CTNNA3: variants seen among roughly 807,000 people sequenced by gnomAD.
The protein encoded by CTNNA3 is catenin alpha 3.
Under a neutral mutation model 95.7 loss-of-function variants are expected in CTNNA3, and 76 were observed. The ratio of observed to expected loss-of-function variants is 0.79; its 90% CI spans 0.66 to 0.96. CTNNA3 has a LOEUF of 0.96. CTNNA3 is among the 40% of genes least tolerant of loss of function. The probability of loss-of-function intolerance (pLI) is 0.00; values close to 1 mark genes in which losing one functional copy is unlikely to be tolerated. For synonymous variants in CTNNA3, 431 were observed against 374.4 expected, an observed-to-expected ratio of 1.15 and a Z score of -1.74; for missense variants, 1,191 against 1,089.8, an observed-to-expected ratio of 1.09 and a Z score of -1.31.
intron 6 of CTNNA3, among the ~76,000 whole-genome samples, chr10:67,201,069 A>G (rs1328529277): frequency 1.3e-5 from 2 of 152,056 alleles, no homozygotes; most frequent in East Asian, 3.9e-4. Context: ...CCTACTCTGC[A>G]TTGGGCCTCC....
intron 15 of CTNNA3, among the ~76,000 whole-genome samples, chr10:66,035,731 G>A (rs1021845102): frequency 6.6e-6 from 1 of 152,058 alleles, no homozygotes; most frequent in Non-Finnish European, 1.5e-5. Flanking sequence ...GTGACCATGT[G>A]TCACTTATAT....
At chr10:66,993,372 G>A (rs890650030) in intron 7 of CTNNA3, among the ~76,000 whole-genome samples, 4 of 152,106 alleles carry the variant, frequency 2.6e-5, no homozygotes, top group Admixed American at 6.6e-5. Flanking sequence ...TTAAAAGAAG[G>A]TAAAGTAGAC....
At chr10:67,357,237 C>T (rs1295374034) in intron 5 of CTNNA3, among the ~76,000 whole-genome samples, 1 of 152,108 alleles carries the variant, frequency 6.6e-6, no homozygotes, top group Non-Finnish European at 1.5e-5. Context: ...TCTTCTCTCT[C>T]ATTGTATCAA....
intron 5 of CTNNA3, among the ~76,000 whole-genome samples, chr10:67,224,496 C>T (rs1025486752): frequency 5.3e-5 from 8 of 152,140 alleles, no homozygotes; most frequent in African/African-American, 7.2e-5. Flanking sequence ...TTGAAGGAAG[C>T]GGACTGCTCC....
intron 5 of CTNNA3, among the ~76,000 whole-genome samples, chr10:67,343,813 C>A (rs1267301512): frequency 6.6e-6 from 1 of 151,520 alleles, no homozygotes; most frequent in Non-Finnish European, 1.5e-5. Flanking sequence ...TGGAAGTGAG[C>A]ATCTTTGTGT....
intron 5 of CTNNA3, among the ~76,000 whole-genome samples, chr10:67,327,412 T>C (rs1188280628): frequency 6.6e-6 from 1 of 152,206 alleles, no homozygotes; most frequent in East Asian, 1.9e-4. Flanking sequence ...TTTCCTTTTA[T>C]CCTATTTGAT....
chr10:67,539,601 C>T lies in CTNNA3; in HGVS notation c.361G>A (p.Val121Met), dbSNP rs1840603870. 6.2e-7 allele frequency: 1 copy of T among 1,613,896 alleles called. No individual in the cohort carries two copies. The highest frequency in any genetic ancestry group is 1.3e-5 in the African/African-American group (1 of 75,030). ...DPCFLPKREA[V>M]VQAARALLAA... ...AGCAAGGCACGGGCAGCTTGAACCA[C>T]AGCCTCCCTTTTTGGGAGAAAACAG... Residue 121 changes from valine to methionine, a missense_variant, in exon 4 of 18, where the codon GTG becomes ATG. Val to Met is a conservative substitution (Grantham distance 21, BLOSUM62 1). Transcript: ENST00000433211.
At chr10:66,016,403 C>T (rs1179817346) in intron 15 of CTNNA3, among the ~76,000 whole-genome samples, 1 of 152,130 alleles carries the variant, frequency 6.6e-6, no homozygotes, top group East Asian at 1.9e-4. Context: ...CCCTGGAACA[C>T]TTATGGTCTA....
rs550168741 is a variant in CTNNA3, at chr10:67,123,557, C to A, written c.1047+56760G>T. On this transcript the variant is annotated intron_variant, in intron 7 of 17. Coordinates refer to ENST00000433211, the MANE Select transcript of CTNNA3 (RefSeq NM_013266.4). ...AACAAAATGCTGCCAGATATCTGAACACATTTTCTTTAACCCATCTACACT... is the reference window on the plus strand; with the variant it reads ...AACAAAATGCTGCCAGATATCTGAAAACATTTTCTTTAACCCATCTACACT... Among the ~76,000 whole-genome samples the A allele has an allele frequency of 1.4e-4, 21 of 151,850 alleles. 1 individual carries two copies. In the South Asian group the frequency reaches 4.2e-3, roughly 30 times the overall value.
chr10:66,981,803 G>A (rs759229229), intron 7 of CTNNA3, among the ~76,000 whole-genome samples: 7 of 152,160 alleles, frequency 4.6e-5, no homozygotes, highest in African/African-American at 1.7e-4. Context: ...TTCCTTCAAC[G>A]ACTTAAGAAG....
intron 3 of CTNNA3, among the ~76,000 whole-genome samples, chr10:67,582,537 T>C (rs1305281844): frequency 2.0e-5 from 3 of 152,224 alleles, no homozygotes; most frequent in East Asian, 1.9e-4. Flanking sequence ...TATATTCTGT[T>C]GGTTTGGGGT....
chr10:67,410,768 T>C (rs1330500817), intron 5 of CTNNA3, among the ~76,000 whole-genome samples: 1 of 152,084 alleles, frequency 6.6e-6, no homozygotes, highest in Admixed American at 6.6e-5. Context: ...TGCTCCCCTA[T>C]GTTCACTGCA....
chr10:65,941,939 C>T (rs1351778071), intron 17 of CTNNA3, among the ~76,000 whole-genome samples: 1 of 152,180 alleles, frequency 6.6e-6, no homozygotes, highest in Admixed American at 6.5e-5. Context: ...TTCTGGCTCA[C>T]TCCATTTTAA....
intron 9 of CTNNA3, among the ~76,000 whole-genome samples, chr10:66,651,669 T>C (rs1475782284): frequency 4.2e-5 from 6 of 143,538 alleles, no homozygotes; most frequent in African/African-American, 1.6e-4. Flanking sequence ...CCGGCACTGC[T>C]GGGGGACCCA....
intron 7 of CTNNA3, among the ~76,000 whole-genome samples, chr10:66,828,563 T>C (rs1409227064): frequency 6.6e-6 from 1 of 152,182 alleles, no homozygotes; most frequent in Non-Finnish European, 1.5e-5. Flanking sequence ...TAAGAAATTG[T>C]TGGTAAATGA....
intron 9 of CTNNA3, among the ~76,000 whole-genome samples, chr10:66,733,310 A>G (rs1034988611): frequency 1.3e-5 from 2 of 152,042 alleles, no homozygotes; most frequent in African/African-American, 4.8e-5. Flanking sequence ...TGTTTTTTAA[A>G]TTTGTGCTAA....
chr10:66,582,522 T>C (rs1430566781), intron 10 of CTNNA3, among the ~76,000 whole-genome samples: 3 of 151,838 alleles, frequency 2.0e-5, no homozygotes, highest in Non-Finnish European at 4.4e-5. Flanking sequence ...ATTTATCAGA[T>C]CTAGGAGTCT....
chr10:66,107,058 A>C (rs930669156), intron 13 of CTNNA3, among the ~76,000 whole-genome samples: 5 of 152,194 alleles, frequency 3.3e-5, no homozygotes, highest in African/African-American at 7.2e-5. Flanking sequence ...CAGCGAAATT[A>C]TCTCTTAAAC....
chr10:66,381,372 C>T (rs2092837154), intron 11 of CTNNA3, among the ~76,000 whole-genome samples: 1 of 152,170 alleles, frequency 6.6e-6, no homozygotes, highest in Admixed American at 6.6e-5. Flanking sequence ...TTAGGATTCA[C>T]ATAAAATGGT....
Sources: allele counts gnomAD v4.1 joint callset (sites outside exome capture counted in the v4.1 genomes callset), GRCh38; gene constraint gnomAD v4.1.1; transcripts MANE v1.5; gene names NCBI Gene and HGNC (gene_info 2026-07-23, HGNC 2026-07-21).